The following MBD6 variants were observed in gnomAD, a reference collection of about 807,000 sequenced individuals.
The protein encoded by MBD6 is methyl-CpG binding domain protein 6.
In MBD6, 22 loss-of-function variants were observed where a neutral mutation model predicts 66.8. That is an observed-to-expected ratio of 0.33 (90% CI 0.24 to 0.47). The LOEUF (loss-of-function observed/expected upper bound fraction) is 0.47, where lower values mean the gene tolerates loss of function less well. MBD6 is among the 20% of genes least tolerant of loss of function. MBD6 has a pLI of 1.00. For missense variants in MBD6, 1,322 were observed against 1,286.9 expected (o/e 1.03, Z -0.42); for synonymous variants, 540 against 534.6 (o/e 1.01, Z -0.14).
Position 57,529,418 on chromosome 12 carries a change from A to ACCCCCCCCCCCCCCCCCCCCCCCC in MBD6, c.*193_*194insCCCCCCCCCCCCCCCCCCCCCCCC, listed in dbSNP as rs368133035. The ACCCCCCCCCCCCCCCCCCCCCCCC allele has an allele frequency of 3.3e-5, 11 of 333,338 alleles. No homozygotes were observed. Among genetic ancestry groups the ACCCCCCCCCCCCCCCCCCCCCCCC allele is most frequent in the Admixed American group, 1.5e-4 (3 of 20,172 alleles). 20.6% of individuals were successfully genotyped at this position (333,338 alleles called of 1,614,324 possible). The stretch of plus-strand genomic sequence containing the variant: ...GCCATTGCAGGGGGCAGGGAAGTTC[A>ACCCCCCCCCCCCCCCCCCCCCCCC]CCCCCCCCCACCACCCCCCCGCCCC... On this transcript the variant is annotated 3_prime_UTR_variant, in exon 13 of 13. Coordinates refer to ENST00000355673, the MANE Select transcript of MBD6 (RefSeq NM_052897.4).
rs751027045 is a variant in MBD6 at position 57,524,429 on chromosome 12, A to C, written c.113+13A>C. 23 of 1,560,060 alleles carry C rather than the reference A, an allele frequency of 1.5e-5. No individual in the cohort carries two copies. In the Admixed American group the frequency reaches 3.7e-4, roughly 25 times the overall value. ...TGCTCTACATCAGGTACGGATCTTCACAGGTCCCCAAGCTCTGCCACTCCA... is the reference window on the plus strand; with the variant it reads ...TGCTCTACATCAGGTACGGATCTTCCCAGGTCCCCAAGCTCTGCCACTCCA... On this transcript the variant is annotated intron_variant, in intron 3 of 12. Transcript: ENST00000355673.
In MBD6 at chr12:57,529,022, T is replaced by TTGGGTGGA; in HGVS notation, c.2937+27_2937+34dup. 3 of 1,613,800 alleles carry TTGGGTGGA rather than the reference T, an allele frequency of 1.9e-6. No homozygotes were observed. Among genetic ancestry groups the TTGGGTGGA allele is most frequent in the Non-Finnish European group, 2.5e-6 (3 of 1,179,950 alleles). ...CCCTACAGCCCGAGTAAGTGTGTGT[T>TTGGGTGGA]TGGGTGGATGGGTGGATGGGTAGGG... On this transcript the variant is annotated intron_variant, in intron 12 of 12. Transcript: ENST00000355673.
chr12:57,527,954 G>T lies in MBD6; in HGVS notation c.2343G>T (p.Gly781=). Residue 781 remains glycine (G), a synonymous_variant, in exon 9 of 13, where the codon GGG becomes GGT. Transcript: ENST00000355673. The stretch of plus-strand genomic sequence containing the variant: ...TGGGGCTGCAGCTCCTCCCTGGGGG[G>T]GGAGCTCCTCCACCCCTCTCAGAGG... ...GQLGLQLLPG[G]GAPPPLSEAS... is the part of the protein sequence containing the mutation. 6.3e-7 allele frequency: 1 copy of T among 1,595,574 alleles called. No homozygotes were observed. Among genetic ancestry groups the T allele is most frequent in the Non-Finnish European group, 8.5e-7 (1 of 1,172,578 alleles).
In MBD6 at chr12:57,526,667, C is replaced by G. The variant is rs1878989867; in HGVS notation, c.1522C>G (p.Pro508Ala). ...GGGGATGGGGGCAGGCCCGGCCTGC[C>G]CTCTGCCTCCCCTGGCTGGTGGAGA... ...GLGMGAGPAC[P>A]LPPLAGGEAF... Residue 508 changes from proline to alanine, a missense_variant, in exon 7 of 13, where the codon CCT becomes GCT. Coordinates refer to ENST00000355673, the MANE Select transcript of MBD6 (RefSeq NM_052897.4). The G allele has an allele frequency of 1.3e-6, 2 of 1,522,326 alleles. No homozygotes were observed. The highest frequency in any genetic ancestry group is 1.4e-5 in the African/African-American group (1 of 71,666). 94.3% of individuals were successfully genotyped at this position (1,522,326 alleles called of 1,614,324 possible).
intron 1 of MBD6, 22 bp from the exon 2 acceptor site, chr12:57,524,007 C>T (rs1005702335): frequency 4.0e-6 from 1 of 247,242 alleles, no homozygotes; most frequent in Non-Finnish European, 7.8e-6. Flanking sequence ...CTGACAGTCC[C>T]ATCTCTCTAC....
chr12:57,524,940 T>C lies in MBD6; in HGVS notation c.217-13T>C. 1.2e-6 allele frequency: 2 copies of C among 1,600,300 alleles called. No homozygotes were observed. Among genetic ancestry groups the C allele is most frequent in the African/African-American group, 1.3e-5 (1 of 74,672 alleles). Reference sequence around the variant, plus strand: ...GCCCCTCAGGGTCCCTGTCCTTGCTTTCCACCTTACAGGTTTTCAACTTTG... The same window carrying C: ...GCCCCTCAGGGTCCCTGTCCTTGCTCTCCACCTTACAGGTTTTCAACTTTG... On this transcript the variant is annotated splice_polypyrimidine_tract_variant and intron_variant, in intron 4 of 12. Transcript: ENST00000355673.
rs1183672493 is a variant in MBD6 at position 57,527,918 on chromosome 12, C to G, written c.2307C>G (p.Leu769=). The change falls in exon 9 of 13, where the codon CTC becomes CTG. Residue 769 remains leucine, a synonymous_variant. Coordinates refer to ENST00000355673, the MANE Select transcript of MBD6 (RefSeq NM_052897.4). The stretch of plus-strand genomic sequence containing the variant: ...TGTTGCAGCCTCCTGGCCCTCTTCT[C>G]TCTGGCCAGTTGGGGCTGCAGCTCC... The part of the protein sequence containing the change: ...PSLLQPPGPL[L]SGQLGLQLLP... 3 of 1,612,956 alleles carry G rather than the reference C, an allele frequency of 1.9e-6. No homozygotes were observed.
rs760417389 is a variant in MBD6 at position 57,524,779 on chromosome 12, G to A, written c.173G>A (p.Gly58Glu). 1.2e-6 allele frequency: 2 copies of A among 1,614,196 alleles called. No homozygotes were observed. The highest frequency in any genetic ancestry group is 1.7e-6 in the Non-Finnish European group (2 of 1,180,046). ...ACCCGGAGCTACCTCCTCAGCGATG[G>A]GACCTGCAAGTGCGGTCTGGAGTGT... ...EQTRSYLLSDGTCKCGLECPL... is the reference protein window; with the variant it reads ...EQTRSYLLSDETCKCGLECPL... Residue 58 changes from glycine to glutamate, a missense_variant, in exon 4 of 13, where the codon GGG (glycine) becomes GAG (glutamate). By Grantham distance (98) the Gly-to-Glu change is moderately conservative. Coordinates refer to ENST00000355673, the MANE Select transcript of MBD6 (RefSeq NM_052897.4).
In MBD6 at chr12:57,529,733, T is replaced by G. The variant is rs1342754148; in HGVS notation, c.*499T>G. On this transcript the variant is annotated 3_prime_UTR_variant, in exon 13 of 13. Coordinates refer to ENST00000355673, the MANE Select transcript of MBD6 (RefSeq NM_052897.4). ...TACCCCTCCAACACCCCTCTGCCTC[T>G]GGCTCAGGTTGCTCAAAGCACAGAT... 1 of 158,440 alleles carries G rather than the reference T, an allele frequency of 6.3e-6. No individual in the cohort carries two copies. Among genetic ancestry groups the G allele is most frequent in the Non-Finnish European group, 1.4e-5 (1 of 71,146 alleles). The allele number at this position is 158,440 out of a possible 1,614,324, so 9.8% of individuals were successfully genotyped here.
intron 5 of MBD6, 28 bp from the exon 6 acceptor site, chr12:57,525,320 C>T: frequency 6.4e-7 from 1 of 1,551,356 alleles, no homozygotes; most frequent in Non-Finnish European, 8.7e-7. Context: ...GAGCCACAGG[C>T]TGACCCTTCA....
In MBD6 at chr12:57,529,709, AC is replaced by A. The variant is rs1445281601; in HGVS notation, c.*479del. 2 of 160,760 alleles carry A rather than the reference AC, an allele frequency of 1.2e-5. No homozygotes were observed. The highest frequency in any genetic ancestry group is 4.8e-5 in the African/African-American group (2 of 41,392). 10.0% of individuals were successfully genotyped at this position (160,760 alleles called of 1,614,324 possible). ...AATAAGCATCATGCATCCTCCCCTT[AC>A]CCCTCCAACACCCCTCTGCCTCTGG... On this transcript the variant is annotated 3_prime_UTR_variant, in exon 13 of 13. Coordinates refer to ENST00000355673, the MANE Select transcript of MBD6 (RefSeq NM_052897.4).
At chr12:57,522,372 A>G (rs1333143284), upstream of MBD6, among the ~76,000 whole-genome samples, 1 of 152,174 alleles carries the variant, frequency 6.6e-6, no homozygotes, top group Non-Finnish European at 1.5e-5. Flanking sequence ...GTCCCAGCAC[A>G]CTACCCGGGA....
Position 57,529,435 on chromosome 12 carries a change from CCCCG to C in MBD6, c.*205_*208del. ...GGAAGTTCACCCCCCCCCACCACCC[CCCCG>C]CCCCCCCGAAGCCATGTCACTGAAA... is the stretch of plus-strand genomic sequence containing the variant. On this transcript the variant is annotated 3_prime_UTR_variant, in exon 13 of 13. Transcript: ENST00000355673. 1 of 546,882 alleles carries C rather than the reference CCCCG, an allele frequency of 1.8e-6. No homozygotes were observed. The highest frequency in any genetic ancestry group is 4.9e-4 in the Middle Eastern group (1 of 2,034). 33.9% of individuals were successfully genotyped at this position (546,882 alleles called of 1,614,324 possible). A position where few individuals can be genotyped will look rare whatever the true frequency, so the allele number is the denominator to read the frequency against.
chr12:57,527,786 T>C (rs550061296), intron 8 of MBD6, 62 bp from the exon 9 acceptor site: 399 of 1,585,666 alleles, frequency 2.5e-4, no homozygotes, highest in South Asian at 6.6e-4. Context: ...AAGAGAATAG[T>C]AGGTCTGCTC....
chr12:57,526,723 C>T lies in MBD6; in HGVS notation c.1578C>T (p.Gly526=), dbSNP rs201889123. The stretch of plus-strand genomic sequence containing the variant: ...TCCCTTTCCCCAGCCCTGAGCAGGG[C>T]CTGGCACTGAGTGGAGCTGGCTTCC... ...EAFPFPSPEQ[G]LALSGAGFPG... The change falls in exon 7 of 13, where the codon GGC becomes GGT. Residue 526 remains glycine (G), a synonymous_variant. Transcript: ENST00000355673. 3.1e-4 allele frequency: 483 copies of T among 1,567,162 alleles called. 2 individuals carry two copies. The East Asian group carries it at 8.1e-3, about 26-fold the overall frequency.
chr12:57,522,343 ACC>A (rs375623461), upstream of MBD6, among the ~76,000 whole-genome samples: 541 of 152,228 alleles, frequency 3.6e-3, 3 homozygotes, highest in Admixed American at 3.8e-3. Flanking sequence ...TGACATGTTG[ACC>A]TGGGGAGGCG....
chr12:57,526,854 A>C lies in MBD6; in HGVS notation c.1709A>C (p.Gln570Pro). 1.9e-6 allele frequency: 3 copies of C among 1,613,322 alleles called. No individual in the cohort carries two copies. The highest frequency in any genetic ancestry group is 2.5e-6 in the Non-Finnish European group (3 of 1,179,714). The change falls in exon 7 of 13, where the codon CAA (glutamine) becomes CCA (proline). Residue 570 changes from glutamine (Q) to proline (P), a missense_variant. Transcript: ENST00000355673. The stretch of plus-strand genomic sequence containing the variant: ...GGTGTGCTGACTGGGGGAGGAGGAC[A>C]ACCTCCCCCTGAGCCCCTGCTACCC... The part of the protein sequence containing the change: ...LFGVLTGGGG[Q>P]PPPEPLLPPP...
At chr12:57,520,811 G>GA (rs2140051423), upstream of MBD6, 1 of 180,128 alleles carries the variant, frequency 5.6e-6, no homozygotes, top group African/African-American at 2.4e-5. Flanking sequence ...GGGGGGCGGG[G>GA]ATGATGCAAT....
Position 57,526,391 on chromosome 12 carries a change from A to T in MBD6, c.1420+3A>T. ...TGGCAGCCTCAGCAGTGTGCCAGGT[A>T]TGTGAGTATTGTGGAGCCCTTCCTC... On this transcript the variant is annotated splice_donor_region_variant and intron_variant, in intron 6 of 12. Coordinates refer to ENST00000355673, the MANE Select transcript of MBD6 (RefSeq NM_052897.4). 1 of 1,576,316 alleles carries T rather than the reference A, an allele frequency of 6.3e-7. No homozygotes were observed. Among genetic ancestry groups the T allele is most frequent in the Non-Finnish European group, 8.6e-7 (1 of 1,161,118 alleles).
Sources: allele counts gnomAD v4.1 joint callset (sites outside exome capture counted in the v4.1 genomes callset), GRCh38; gene constraint gnomAD v4.1.1; transcripts MANE v1.5; gene names NCBI Gene and HGNC (gene_info 2026-07-23, HGNC 2026-07-21).